NLGN3: variants seen among roughly 807,000 people sequenced by gnomAD.
The protein encoded by NLGN3 is neuroligin 3.
NLGN3 carries 11 observed loss-of-function variants against 42.9 expected under a neutral mutation model. The ratio of observed to expected loss-of-function variants is 0.26; its 90% CI spans 0.16 to 0.42. The LOEUF (loss-of-function observed/expected upper bound fraction) is 0.42, where lower values mean the gene tolerates loss of function less well. Among genes scored for constraint, NLGN3 ranks in the 10% least tolerant of loss-of-function variants. NLGN3 has a pLI of 1.00. For synonymous variants in NLGN3, 279 were observed against 312.7 expected (o/e 0.89, Z 1.14); for missense variants, 374 against 733.8 (o/e 0.51, Z 5.67).
At chrX:71,150,559 G>T (rs2092386867) in intron 3 of NLGN3, among the ~76,000 whole-genome samples, 2 of 110,180 alleles carry the variant, frequency 1.8e-5, no homozygotes, top group African/African-American at 6.6e-5. Flanking sequence ...AAAATTAGCT[G>T]GGCGTGGTGG....
chrX:71,170,504 A>G lies in NLGN3; in HGVS notation c.*407A>G, dbSNP rs1273044574. The G allele has an allele frequency of 2.3e-6, 2 of 855,054 alleles. No homozygotes were observed. Among genetic ancestry groups the G allele is most frequent in the East Asian group, 1.7e-4 (2 of 11,508 alleles). 70.5% of individuals were successfully genotyped at this position (855,054 alleles called of 1,213,427 possible). A position where few individuals can be genotyped will look rare whatever the true frequency, so the allele number is the denominator to read the frequency against. On this transcript the variant is annotated 3_prime_UTR_variant, in exon 8 of 8. Transcript: ENST00000358741. ...ACCACCGACCAACTCCAGACTTGGG[A>G]GCTTTAAAGAGCAGGATAGCTCTTC...
intron 6 of NLGN3, 52 bp downstream of exon 6, chrX:71,164,380 G>A: frequency 8.8e-7 from 1 of 1,139,597 alleles, no homozygotes; most frequent in Non-Finnish European, 1.2e-6. Context: ...GGCTGTCCCA[G>A]CATGCCCCAT....
chrX:71,147,995 A>G lies in NLGN3; in HGVS notation c.246A>G (p.Lys82=). 1 of 1,208,037 alleles carries G rather than the reference A, an allele frequency of 8.3e-7. No individual in the cohort carries two copies. The highest frequency in any genetic ancestry group is 1.1e-6 in the Non-Finnish European group (1 of 892,816). Residue 82 remains lysine (K), a synonymous_variant, in exon 2 of 8, where the codon AAA becomes AAG. Coordinates refer to ENST00000358741, the MANE Select transcript of NLGN3 (RefSeq NM_181303.2). ...VPYAAPPIGE[K]RFLPPEPPPS... ...ACGCAGCTCCCCCGATCGGCGAGAA[A>G]CGTTTCCTGCCCCCTGAACCACCCC...
chrX:71,147,486 C>CAAAG (rs374099853), intron 1 of NLGN3, 64 bp from the exon 2 acceptor site: 54 of 427,677 alleles, frequency 1.3e-4, no homozygotes, highest in African/African-American at 1.2e-3. Flanking sequence ...GCAGGGCCCC[C>CAAAG]AAAGACCAAC....
In NLGN3 at chrX:71,149,296, A is replaced by T. The variant is rs374305427; in HGVS notation, c.517+391A>T. Among the ~76,000 whole-genome samples the T allele has an allele frequency of 4.5e-5, 5 of 110,320 alleles. No homozygotes were observed. In the East Asian group the frequency reaches 1.2e-3, roughly 26 times the overall value. On this transcript the variant is annotated intron_variant, in intron 3 of 7. Coordinates refer to ENST00000358741, the MANE Select transcript of NLGN3 (RefSeq NM_181303.2). ...ATCCCTTCTGTGTTCTTTCTCCTGG[A>T]TTGAAAGTCTAGACTCAATTTTCCC...
In NLGN3 at chrX:71,170,477, G is replaced by A; in HGVS notation, c.*380G>A. The A allele has an allele frequency of 4.5e-6, 4 of 886,377 alleles. No individual in the cohort carries two copies. The highest frequency in any genetic ancestry group is 5.5e-6 in the Non-Finnish European group (4 of 721,139). 73.0% of individuals were successfully genotyped at this position (886,377 alleles called of 1,213,427 possible). On this transcript the variant is annotated 3_prime_UTR_variant, in exon 8 of 8. Coordinates refer to ENST00000358741, the MANE Select transcript of NLGN3 (RefSeq NM_181303.2). Reference sequence around the variant, plus strand: ...CTCGCCTTCGGCCTCTCTTGGAACTGCACCACCGACCAACTCCAGACTTGG... The same window carrying A: ...CTCGCCTTCGGCCTCTCTTGGAACTACACCACCGACCAACTCCAGACTTGG...
Position 71,171,056 on chromosome X carries a change from C to T in NLGN3, c.*959C>T, listed in dbSNP as rs778986245. ...GTCTGTCATTTCTCTTTCAAAAAGGCGGTGTTTTTTGTTGTTGTTGGTTTT... is the reference window on the plus strand; with the variant it reads ...GTCTGTCATTTCTCTTTCAAAAAGGTGGTGTTTTTTGTTGTTGTTGGTTTT... On this transcript the variant is annotated 3_prime_UTR_variant, in exon 8 of 8. Coordinates refer to ENST00000358741, the MANE Select transcript of NLGN3 (RefSeq NM_181303.2). 21 of 746,466 alleles carry T rather than the reference C, an allele frequency of 2.8e-5. No homozygotes were observed. Among genetic ancestry groups the T allele is most frequent in the Admixed American group, 1.8e-4 (2 of 10,937 alleles). 61.5% of individuals were successfully genotyped at this position (746,466 alleles called of 1,213,427 possible). A position where few individuals can be genotyped will look rare whatever the true frequency, so the allele number is the denominator to read the frequency against.
chrX:71,151,223 C>T (rs1226170949), intron 3 of NLGN3, among the ~76,000 whole-genome samples: 4 of 109,455 alleles, frequency 3.7e-5, no homozygotes, highest in East Asian at 2.9e-4. Context: ...GCAGGAGAAT[C>T]GCTTGAACCC....
In NLGN3 at chrX:71,167,531, C is replaced by T. The variant is rs1204982479; in HGVS notation, c.1434C>T (p.Phe478=). Residue 478 remains phenylalanine, a synonymous_variant, in exon 7 of 8, where the codon TTC becomes TTT. Transcript: ENST00000358741. ...GCCGTAAAACACTGGTGGCACTCTT[C>T]ACTGACCACCAGTGGGTGGAGCCCT... is the stretch of plus-strand genomic sequence containing the variant. ...ETRRKTLVAL[F]TDHQWVEPSV... 5 of 1,209,374 alleles carry T rather than the reference C, an allele frequency of 4.1e-6. No individual in the cohort carries two copies. In the Admixed American group the frequency reaches 8.7e-5, roughly 21 times the overall value.
chrX:71,147,815 G>T lies in NLGN3; in HGVS notation c.66G>T (p.Leu22=). Residue 22 remains leucine, a synonymous_variant, in exon 2 of 8, where the codon CTG becomes CTT. Transcript: ENST00000358741. ...CCAAGCCCACGGTTGGCAGGAGCCT[G>T]TGCCTCACCCTGTGGTTCCTCAGTT... The part of the protein sequence containing the change: ...LSPKPTVGRS[L]CLTLWFLSLA... 1 of 1,210,517 alleles carries T rather than the reference G, an allele frequency of 8.3e-7. No homozygotes were observed. Among genetic ancestry groups the T allele is most frequent in the East Asian group, 3.0e-5 (1 of 33,793 alleles).
At chrX:71,165,725 G>C (rs1344897311) in intron 6 of NLGN3, among the ~76,000 whole-genome samples, 1 of 110,489 alleles carries the variant, frequency 9.1e-6, no homozygotes, top group Non-Finnish European at 1.9e-5. Context: ...GTAGAGACAG[G>C]TTTTCGCCAT....
chrX:71,170,200 C>CAT lies in NLGN3; in HGVS notation c.*108_*109dup, dbSNP rs772193232. On this transcript the variant is annotated 3_prime_UTR_variant, in exon 8 of 8. Coordinates refer to ENST00000358741, the MANE Select transcript of NLGN3 (RefSeq NM_181303.2). ...ACACGCAGACACACACACACACACA[C>CAT]ATATATGTATACGCACGCACCCACA... The CAT allele has an allele frequency of 6.0e-5, 70 of 1,166,261 alleles. 1 individual carries two copies. The African/African-American group carries it at 1.1e-3, about 18-fold the overall frequency.
At chrX:71,149,400 T>C (rs2092382902) in intron 3 of NLGN3, among the ~76,000 whole-genome samples, 1 of 111,123 alleles carries the variant, frequency 9.0e-6, no homozygotes, top group South Asian at 3.9e-4. Context: ...CCCCACTACC[T>C]CTGGCCAGAG....
chrX:71,158,087 T>TTAAG (rs2147886154), intron 5 of NLGN3, among the ~76,000 whole-genome samples: 1 of 108,832 alleles, frequency 9.2e-6, no homozygotes, highest in South Asian at 4.0e-4. Context: ...AATTAATTAA[T>TTAAG]TAATTTTTGA....
At chrX:71,160,955 C>T (rs984559080) in intron 5 of NLGN3, among the ~76,000 whole-genome samples, 3 of 111,921 alleles carry the variant, frequency 2.7e-5, no homozygotes, top group African/African-American at 9.7e-5. Context: ...TTTCAGCCTT[C>T]ATTCTCACAT....
intron 3 of NLGN3, among the ~76,000 whole-genome samples, chrX:71,150,467 C>T (rs997775052): frequency 3.6e-5 from 4 of 111,015 alleles, no homozygotes; most frequent in East Asian, 2.8e-4. Flanking sequence ...TTTGGGAGGC[C>T]GAGGCAGGTG....
chrX:71,147,481 G>A lies in NLGN3; in HGVS notation c.-200-69G>A, dbSNP rs1045034016. On this transcript the variant is annotated intron_variant, in intron 1 of 7. Coordinates refer to ENST00000358741, the MANE Select transcript of NLGN3 (RefSeq NM_181303.2). ...AAGAGAATAGCCCAAGCCCAGCAGG[G>A]CCCCCAAAGACCAACTCTGTTGCCC... 16 of 424,408 alleles carry A rather than the reference G, an allele frequency of 3.8e-5. No homozygotes were observed. In the Admixed American group the frequency reaches 6.6e-4, roughly 18 times the overall value. 35.0% of individuals were successfully genotyped at this position (424,408 alleles called of 1,213,427 possible). A position where few individuals can be genotyped will look rare whatever the true frequency, so the allele number is the denominator to read the frequency against.
rs757975693 is a variant in NLGN3, at chrX:71,147,919, C to T, written c.170C>T (p.Pro57Leu). ...GGGAAGCTAAGGGGTGCCCGAGTAC[C>T]ACTGCCCAGTGAGATCCTGGGGCCT... ...HFGKLRGARV[P>L]LPSEILGPVD... The change falls in exon 2 of 8, where the codon CCA becomes CTA. Residue 57 changes from proline to leucine, a missense_variant. Around this residue, in one of 6 missense-constraint regions of NLGN3, gnomAD observed 109 missense variants for 173.3 expected, o/e 0.63. Coordinates refer to ENST00000358741, the MANE Select transcript of NLGN3 (RefSeq NM_181303.2). The T allele has an allele frequency of 2.8e-5, 34 of 1,207,718 alleles. No individual in the cohort carries two copies. The highest frequency in any genetic ancestry group is 6.6e-5 in the Admixed American group (3 of 45,588).
At position 71,167,693 on chromosome X, in the gene NLGN3, G is replaced by C. The variant is rs1049363568; in HGVS notation, c.1596G>C (p.Gly532=). 2 of 1,208,849 alleles carry C rather than the reference G, an allele frequency of 1.7e-6. No homozygotes were observed. The highest frequency in any genetic ancestry group is 3.5e-5 in the African/African-American group (2 of 56,805). Residue 532 remains glycine, a synonymous_variant, in exon 7 of 8, where the codon GGG becomes GGC. Coordinates refer to ENST00000358741, the MANE Select transcript of NLGN3 (RefSeq NM_181303.2). ...GGGATGAAGTACCCTATGTTTTTGG[G>C]GTTCCTATGGTAGGCCCCACTGACC... The part of the protein sequence containing the change: ...AHGDEVPYVF[G]VPMVGPTDLF...
Sources: gnomAD v4.1 joint callset for allele counts (sites outside exome capture counted in the v4.1 genomes callset) on GRCh38, gnomAD v4.1.1 for gene constraint, gnomAD v4.1.1 regional missense constraint, MANE v1.5 for transcripts, NCBI Gene and HGNC (gene_info 2026-07-23, HGNC 2026-07-21) for gene names.